The following FRMD5 variants were observed in gnomAD, a reference collection of about 807,000 sequenced individuals.
The protein encoded by FRMD5 is FERM domain containing 5.
In FRMD5, 20 loss-of-function variants were observed where a neutral mutation model predicts 69.0. That is an observed-to-expected ratio of 0.29 (90% CI 0.20 to 0.42). The LOEUF (loss-of-function observed/expected upper bound fraction) is 0.42. Among genes scored for constraint, FRMD5 ranks in the 10% least tolerant of loss-of-function variants. The probability of loss-of-function intolerance (pLI) is 1.00; values close to 1 mark genes in which losing one functional copy is unlikely to be tolerated. For missense variants in FRMD5, 595 were observed against 708.6 expected (o/e 0.84, Z 1.82); for synonymous variants, 271 against 260.1 (o/e 1.04, Z -0.40).
At chr15:44,056,541 T>C (rs1024815928) in intron 1 of FRMD5, among the ~76,000 whole-genome samples, 4 of 152,158 alleles carry the variant, frequency 2.6e-5, no homozygotes, top group African/African-American at 7.2e-5. Flanking sequence ...AAAAGAGAGA[T>C]GGCCAGGAGA....
At chr15:43,964,512 C>G (rs769817000) in intron 1 of FRMD5, among the ~76,000 whole-genome samples, 5 of 143,916 alleles carry the variant, frequency 3.5e-5, no homozygotes, top group African/African-American at 5.4e-5. Flanking sequence ...AAAAAAAAAA[C>G]AAAAGAAAAG....
At chr15:44,057,597 TACC>T (rs948133534) in intron 1 of FRMD5, among the ~76,000 whole-genome samples, 1 of 152,232 alleles carries the variant, frequency 6.6e-6, no homozygotes, top group Non-Finnish European at 1.5e-5. Flanking sequence ...TCTGAAATTG[TACC>T]ACCAAATAAA....
chr15:43,985,674 C>T (rs1889361015), intron 1 of FRMD5, among the ~76,000 whole-genome samples: 1 of 152,150 alleles, frequency 6.6e-6, no homozygotes, highest in Non-Finnish European at 1.5e-5. Context: ...CAGGAATTGA[C>T]ATTCTGTGCG....
chr15:44,128,987 G>A (rs1187711679), intron 1 of FRMD5, among the ~76,000 whole-genome samples: 1 of 152,146 alleles, frequency 6.6e-6, no homozygotes. Flanking sequence ...ATTAGTGGAG[G>A]TCTGAAGCTC....
intron 1 of FRMD5, among the ~76,000 whole-genome samples, chr15:44,143,103 G>C (rs544055140): frequency 1.3e-5 from 2 of 151,136 alleles, no homozygotes; most frequent in East Asian, 3.9e-4. Flanking sequence ...AAAAAAAAAA[G>C]AAAAAAGAAA....
At chr15:43,976,280 A>C (rs2090461442) in intron 1 of FRMD5, among the ~76,000 whole-genome samples, 1 of 151,962 alleles carries the variant, frequency 6.6e-6, no homozygotes. Context: ...TCATAAAATA[A>C]ATGGATATAT....
intron 1 of FRMD5, among the ~76,000 whole-genome samples, chr15:44,031,706 C>G (rs908118535): frequency 6.6e-6 from 1 of 152,062 alleles, no homozygotes; most frequent in Admixed American, 6.6e-5. Flanking sequence ...CAATGTTAAC[C>G]CCTTTTGGTC....
At chr15:44,192,580 C>G (rs2078214471) in intron 1 of FRMD5, among the ~76,000 whole-genome samples, 1 of 152,060 alleles carries the variant, frequency 6.6e-6, no homozygotes, top group South Asian at 2.1e-4. Context: ...AACAAATAAG[C>G]ACATGCACAT....
chr15:43,941,134 C>T (rs1319755244), intron 1 of FRMD5, among the ~76,000 whole-genome samples: 1 of 152,094 alleles, frequency 6.6e-6, no homozygotes, highest in Non-Finnish European at 1.5e-5. Context: ...TTTGGGAGGC[C>T]AAGAAGCGGA....
intron 1 of FRMD5, among the ~76,000 whole-genome samples, chr15:43,952,082 A>G (rs1455043336): frequency 1.3e-5 from 2 of 150,734 alleles, no homozygotes; most frequent in Non-Finnish European, 2.9e-5. Flanking sequence ...AGACTGTCCC[A>G]TCCAAGCTGA....
intron 13 of FRMD5, among the ~76,000 whole-genome samples, chr15:43,882,344 T>C (rs537935660): frequency 2.0e-5 from 3 of 152,162 alleles, no homozygotes; most frequent in South Asian, 4.2e-4. Flanking sequence ...GATATGCAGA[T>C]AGCAACAGGA....
chr15:43,959,732 T>C lies in FRMD5; in HGVS notation c.103-35423A>G, dbSNP rs183155676. 3.9e-5 allele frequency among the ~76,000 whole-genome samples: 6 copies of C among 152,330 alleles called. No homozygotes were observed. The East Asian group carries it at 1.2e-3, about 29-fold the overall frequency. On this transcript the variant is annotated intron_variant, in intron 1 of 13. Coordinates refer to ENST00000417257, the MANE Select transcript of FRMD5 (RefSeq NM_032892.5). Reference sequence around the variant, plus strand: ...GACTCCACTGACAATATTTTTTGTGTTAAGATTACTGACATCTGAGATTTT... The same window carrying C: ...GACTCCACTGACAATATTTTTTGTGCTAAGATTACTGACATCTGAGATTTT...
intron 1 of FRMD5, among the ~76,000 whole-genome samples, chr15:43,940,250 A>G (rs186213770): frequency 1.3e-5 from 2 of 152,326 alleles, no homozygotes; most frequent in East Asian, 3.9e-4. Flanking sequence ...GATGCAGTCA[A>G]TGAACAGTTT....
At chr15:44,129,852 G>C (rs1439450770) in intron 1 of FRMD5, among the ~76,000 whole-genome samples, 1 of 152,164 alleles carries the variant, frequency 6.6e-6, no homozygotes, top group Non-Finnish European at 1.5e-5. Context: ...CCTCAGGTTA[G>C]TAACTAGGAC....
At position 44,062,746 on chromosome 15, in the gene FRMD5, A is replaced by G. The variant is rs184317256; in HGVS notation, c.102+132207T>C. Among the ~76,000 whole-genome samples the G allele has an allele frequency of 4.8e-3, 731 of 151,864 alleles. 7 individuals carry two copies. The highest frequency in any genetic ancestry group is 0.017 in the African/African-American group (703 of 41,430). The stretch of plus-strand genomic sequence containing the variant: ...TGTACATAGGTTACATGCAAATACT[A>G]TACCATTTATATAAGGGATTTTGGT... On this transcript the variant is annotated intron_variant, in intron 1 of 13. Coordinates refer to ENST00000417257, the MANE Select transcript of FRMD5 (RefSeq NM_032892.5).
chr15:44,053,869 G>A (rs895910920), intron 1 of FRMD5, among the ~76,000 whole-genome samples: 2 of 152,184 alleles, frequency 1.3e-5, no homozygotes, highest in Admixed American at 6.5e-5. Context: ...GCACAGATAA[G>A]ATAGTTTAGG....
At chr15:44,044,083 A>G (rs1684679625) in intron 1 of FRMD5, among the ~76,000 whole-genome samples, 1 of 152,220 alleles carries the variant, frequency 6.6e-6, no homozygotes, top group South Asian at 2.1e-4. Flanking sequence ...TTACAATAAA[A>G]AAAAACCCCA....
chr15:43,889,452 C>T (rs887371957), intron 8 of FRMD5, among the ~76,000 whole-genome samples: 1 of 152,140 alleles, frequency 6.6e-6, no homozygotes, highest in East Asian at 1.9e-4. Flanking sequence ...AGTCATGCAG[C>T]GTACTGACCA....
chr15:44,194,965 G>C lies in FRMD5; in HGVS notation c.90C>G (p.Thr30=). 2 of 1,538,656 alleles carry C rather than the reference G, an allele frequency of 1.3e-6. No individual in the cohort carries two copies. The highest frequency in any genetic ancestry group is 1.7e-6 in the Non-Finnish European group (2 of 1,145,846). The change falls in exon 1 of 14, where the codon ACC becomes ACG. Residue 30 remains threonine (T), a synonymous_variant. Transcript: ENST00000417257. The part of the protein sequence containing the change: ...TVRLLDDSEY[T]CTIQRDAKGQ... ...GCGCGGCGCTGACCTGGATGGTGCA[G>C]GTGTACTCGCTGTCGTCCAGCAGCC...
Sources: gnomAD v4.1 joint callset for allele counts (sites outside exome capture counted in the v4.1 genomes callset) on GRCh38, gnomAD v4.1.1 for gene constraint, MANE v1.5 for transcripts, NCBI Gene and HGNC (gene_info 2026-07-23, HGNC 2026-07-21) for gene names.